The following AFG2A variants were observed in gnomAD, a reference collection of about 807,000 sequenced individuals.
AFG2A encodes ATPase family gene 2 protein homolog A.
the AFG2A span, among the ~76,000 whole-genome samples, chr4:123,201,924 A>G: frequency 6.6e-6 from 1 of 151,220 alleles, no homozygotes; most frequent in East Asian, 1.9e-4. Context: ...CCCTGTCTCA[A>G]AAAAAAAAGT....
At chr4:122,928,947 A>G in the AFG2A span, 1 of 1,439,722 alleles carries the variant, frequency 6.9e-7, no homozygotes, top group Non-Finnish European at 9.3e-7. Context: ...TGCATATCTT[A>G]AGTGCTTGAC....
At chr4:123,297,673 T>C in the AFG2A span, among the ~76,000 whole-genome samples, 6 of 151,346 alleles carry the variant, frequency 4.0e-5, no homozygotes, top group East Asian at 9.7e-4. Flanking sequence ...GAGCCGAGAT[T>C]GTGCCACTGC....
the AFG2A span, among the ~76,000 whole-genome samples, chr4:123,297,548 T>C: frequency 6.6e-6 from 1 of 152,086 alleles, no homozygotes; most frequent in African/African-American, 2.4e-5. Context: ...TGAAAGCCTA[T>C]CTCTACTAAA....
the AFG2A span, among the ~76,000 whole-genome samples, chr4:123,199,478 T>G: frequency 2.2e-5 from 3 of 138,864 alleles, no homozygotes; most frequent in Non-Finnish European, 4.6e-5. Context: ...TTTTTTTTTT[T>G]TTTTTTTTTT....
At chr4:123,061,412 A>G in the AFG2A span, among the ~76,000 whole-genome samples, 3 of 152,228 alleles carry the variant, frequency 2.0e-5, no homozygotes, top group Admixed American at 2.0e-4. Context: ...TTAGTTCCAC[A>G]TCGCTGGGGA....
chr4:123,133,623 T>A, the AFG2A span, among the ~76,000 whole-genome samples: 23 of 152,320 alleles, frequency 1.5e-4, no homozygotes, highest in African/African-American at 5.5e-4. Flanking sequence ...GTGGGATTGC[T>A]GAATCATATG....
chr4:122,971,646 A>C, the AFG2A span, among the ~76,000 whole-genome samples: 1 of 152,200 alleles, frequency 6.6e-6, no homozygotes, highest in South Asian at 2.1e-4. Flanking sequence ...TTGATTTAAT[A>C]GAAAGTTTAC....
the AFG2A span, among the ~76,000 whole-genome samples, chr4:123,281,546 T>A: frequency 2.6e-5 from 4 of 152,296 alleles, no homozygotes; most frequent in African/African-American, 9.6e-5. Flanking sequence ...TCACTTCACT[T>A]CTGGGCCTCA....
the AFG2A span, among the ~76,000 whole-genome samples, chr4:123,243,896 C>T: frequency 6.9e-4 from 105 of 151,882 alleles, 1 homozygote; most frequent in Middle Eastern, 6.3e-3. Context: ...GTAGCACACA[C>T]CTGTGGTCCC....
At chr4:122,938,345 T>C in the AFG2A span, 5 of 1,291,942 alleles carry the variant, frequency 3.9e-6, no homozygotes, top group South Asian at 1.4e-4. Context: ...TCTTTGGATA[T>C]TTTAGGATAA....
the AFG2A span, among the ~76,000 whole-genome samples, chr4:123,301,001 G>A: frequency 5.9e-5 from 9 of 152,232 alleles, no homozygotes; most frequent in East Asian, 1.5e-3. Context: ...CATCTGGAAA[G>A]GGGGAAAGCA....
At chr4:123,129,821 A>G in the AFG2A span, among the ~76,000 whole-genome samples, 1 of 152,108 alleles carries the variant, frequency 6.6e-6, no homozygotes, top group Admixed American at 6.5e-5. Context: ...CCATCTACTT[A>G]CATGTCTCAA....
chr4:123,078,328 T>A, the AFG2A span, among the ~76,000 whole-genome samples: 1 of 152,240 alleles, frequency 6.6e-6, no homozygotes, highest in African/African-American at 2.4e-5. Context: ...GAAGTCATAG[T>A]TCAACCTTAA....
the AFG2A span, among the ~76,000 whole-genome samples, chr4:122,973,822 C>T: frequency 5.3e-5 from 8 of 152,118 alleles, no homozygotes; most frequent in African/African-American, 1.2e-4. Context: ...GGACTATAGG[C>T]ACATGCCACG....
chr4:122,942,123 G>C, the AFG2A span, among the ~76,000 whole-genome samples: 1 of 151,302 alleles, frequency 6.6e-6, no homozygotes, highest in Admixed American at 6.6e-5. Context: ...GCCCGGCTTT[G>C]GTATCAGGAT....
At chr4:123,018,900 C>T in the AFG2A span, among the ~76,000 whole-genome samples, 1 of 151,566 alleles carries the variant, frequency 6.6e-6, no homozygotes, top group Admixed American at 6.6e-5. Flanking sequence ...TTATCATAGC[C>T]ATAGAAAGAG....
At chr4:123,066,217 G>GTACC in the AFG2A span, among the ~76,000 whole-genome samples, 2 of 152,064 alleles carry the variant, frequency 1.3e-5, no homozygotes, top group African/African-American at 4.8e-5. Context: ...AGGAAATGAG[G>GTACC]TACCCTCTTT....
the AFG2A span, among the ~76,000 whole-genome samples, chr4:123,312,941 G>A: frequency 6.6e-6 from 1 of 152,208 alleles, no homozygotes; most frequent in African/African-American, 2.4e-5. Context: ...ACGCTGAATG[G>A]ATGGACAAAT....
the AFG2A span, among the ~76,000 whole-genome samples, chr4:122,957,945 AAT>A: frequency 6.6e-6 from 1 of 152,224 alleles, no homozygotes; most frequent in East Asian, 1.9e-4. Flanking sequence ...TAATTTGAGA[AAT>A]ATGTGTGAAA....
Sources: allele counts gnomAD v4.1 joint callset (sites outside exome capture counted in the v4.1 genomes callset), GRCh38; gene constraint gnomAD v4.1.1; transcripts MANE v1.5; gene names NCBI Gene and HGNC (gene_info 2026-07-23, HGNC 2026-07-21).